The following ADH1A variants were observed in gnomAD, a reference collection of about 807,000 sequenced individuals.
ADH1A encodes the protein alcohol dehydrogenase 1A (class I), alpha polypeptide.
ADH1A carries 29 observed loss-of-function variants against 35.2 expected under a neutral mutation model. That is an observed-to-expected ratio of 0.82 (90% CI 0.61 to 1.12). The LOEUF is 1.12. ADH1A is among the 50% of genes most tolerant of loss of function. The pLI, the probability that ADH1A is intolerant of heterozygous loss-of-function variation, is 0.00. For synonymous variants in ADH1A, 147 were observed against 164.8 expected, an observed-to-expected ratio of 0.89 and a Z score of 0.83; for missense variants, 469 against 464.7, an observed-to-expected ratio of 1.01 and a Z score of -0.09.
Position 99,279,496 on chromosome 4 carries a change from C to G in ADH1A, c.1033G>C (p.Ala345Pro), listed in dbSNP as rs1382770299. Reference sequence around the variant, plus strand: ...AAAGGTAAAACATGGGTTATTAATGCATCCAATGAAAACTTCTTAGCCATA... The same window carrying G: ...AAAGGTAAAACATGGGTTATTAATGGATCCAATGAAAACTTCTTAGCCATA... ...DFMAKKFSLDALITHVLPFEK... is the reference protein window; with the variant it reads ...DFMAKKFSLDPLITHVLPFEK... Residue 345 changes from alanine to proline, a missense_variant, in exon 8 of 9, where the codon GCA becomes CCA. Physicochemically the swap from Ala to Pro is conservative, Grantham distance 27. Coordinates refer to ENST00000209668, the MANE Select transcript of ADH1A (RefSeq NM_000667.4). 2.5e-6 allele frequency: 4 copies of G among 1,611,972 alleles called. No homozygotes were observed. In the Admixed American group the frequency reaches 5.0e-5, roughly 20 times the overall value.
rs1389439920 is a variant in ADH1A, at chr4:99,276,462, A to G, written c.*162T>C. The G allele has an allele frequency of 5.7e-6, 4 of 699,860 alleles. No individual in the cohort carries two copies. The African/African-American group carries it at 7.4e-5, about 13-fold the overall frequency. The allele number at this position is 699,860 out of a possible 1,614,324, so 43.4% of individuals were successfully genotyped here. ...TTGGATTTTAAACATTTGCTTGAAA[A>G]ATAATTTTACATCAATTTCCATTTC... On this transcript the variant is annotated 3_prime_UTR_variant, in exon 9 of 9. Coordinates refer to ENST00000209668, the MANE Select transcript of ADH1A (RefSeq NM_000667.4).
In ADH1A at chr4:99,282,364, G is replaced by A. The variant is rs779102773; in HGVS notation, c.810C>T (p.Ile270=). The A allele has an allele frequency of 1.2e-5, 19 of 1,614,046 alleles. No individual in the cohort carries two copies. Among genetic ancestry groups the A allele is most frequent in the East Asian group, 6.7e-5 (3 of 44,892 alleles). The change falls in exon 6 of 9, where the codon ATC becomes ATT. Residue 270 remains isoleucine (I), a synonymous_variant. Transcript: ENST00000209668. ...DGGVDFSFEV[I]GRLDTMMASL... Reference sequence around the variant, plus strand: ...TACATACCATGGTGTCAAGCCGACCGATGACTTCAAATGAAAAATCCACAC... The same window carrying A: ...TACATACCATGGTGTCAAGCCGACCAATGACTTCAAATGAAAAATCCACAC...
chr4:99,286,748 C>T, intron 3 of ADH1A, 102 bp downstream of exon 3: 2 of 1,546,098 alleles, frequency 1.3e-6, no homozygotes, highest in Non-Finnish European at 1.7e-6. Flanking sequence ...GCGCGGTGAC[C>T]TTGGTCAAGC....
chr4:99,288,480 A>C (rs1386277387), intron 1 of ADH1A, among the ~76,000 whole-genome samples: 2 of 152,198 alleles, frequency 1.3e-5, no homozygotes, highest in Non-Finnish European at 2.9e-5. Context: ...AAAGATGTAC[A>C]CATAATTTCC....
intron 8 of ADH1A, among the ~76,000 whole-genome samples, chr4:99,278,713 C>G (rs1242733576): frequency 6.6e-6 from 1 of 152,096 alleles, no homozygotes; most frequent in African/African-American, 2.4e-5. Context: ...TTAGATATAA[C>G]TGCCTGTTTC....
chr4:99,282,266 C>G (rs779239106), intron 6 of ADH1A, 80 bp downstream of exon 6: 1 of 1,613,136 alleles, frequency 6.2e-7, no homozygotes, highest in Non-Finnish European at 8.5e-7. Flanking sequence ...ATCCTTTATA[C>G]AGAAAACATA....
At chr4:99,276,807 ATCT>A (rs1732879663) in intron 8 of ADH1A, among the ~76,000 whole-genome samples, 159 bp from the exon 9 acceptor site, 1 of 152,118 alleles carries the variant, frequency 6.6e-6, no homozygotes, top group African/African-American at 2.4e-5. Flanking sequence ...AGGAAAGCTC[ATCT>A]TTTTTGGTTT....
intron 8 of ADH1A, among the ~76,000 whole-genome samples, chr4:99,279,210 T>G (rs115274079): frequency 8.5e-4 from 129 of 152,160 alleles, no homozygotes; most frequent in African/African-American, 2.9e-3. Flanking sequence ...ATCAACATAA[T>G]TTGGCTTCAG....
intron 8 of ADH1A, 22 bp from the exon 9 acceptor site, chr4:99,276,670 A>T: frequency 6.2e-7 from 1 of 1,606,204 alleles, no homozygotes; most frequent in Non-Finnish European, 8.5e-7. Context: ...AAGAAGAGAC[A>T]TTGTATTAGC....
rs989117184 is a variant in ADH1A at position 99,279,292 on chromosome 4, A to G, written c.1103+134T>C. The G allele has an allele frequency of 5.0e-6, 6 of 1,188,670 alleles. No individual in the cohort carries two copies. The African/African-American group carries it at 9.5e-5, about 19-fold the overall frequency. 73.6% of individuals were successfully genotyped at this position (1,188,670 alleles called of 1,614,324 possible). Reference sequence around the variant, plus strand: ...TTTAAACTTCTCTTACAAGCTCTCCATGTAAAGACTGAACTGGTAATGGAA... The same window carrying G: ...TTTAAACTTCTCTTACAAGCTCTCCGTGTAAAGACTGAACTGGTAATGGAA... On this transcript the variant is annotated intron_variant, in intron 8 of 8. Transcript: ENST00000209668.
At chr4:99,283,063 G>A (rs1465037390) in intron 5 of ADH1A, among the ~76,000 whole-genome samples, 1 of 152,146 alleles carries the variant, frequency 6.6e-6, no homozygotes, top group Non-Finnish European at 1.5e-5. Context: ...AGTGGAAAAG[G>A]CTACTCCAGG....
chr4:99,282,579 A>G lies in ADH1A; in HGVS notation c.595T>C (p.Phe199Leu). The G allele has an allele frequency of 6.2e-7, 1 of 1,614,226 alleles. No individual in the cohort carries two copies. The highest frequency in any genetic ancestry group is 8.5e-7 in the Non-Finnish European group (1 of 1,180,034). ...GATAGGCCGACCCCTCCCAGGCCAA[A>G]CACAGCACAGGTAGAGCCTGGGGTG... ...KVTPGSTCAV[F>L]GLGGVGLSAI... is the part of the protein sequence containing the mutation. Residue 199 changes from phenylalanine to leucine, a missense_variant, in exon 6 of 9, where the codon TTT (phenylalanine) becomes CTT (leucine). By Grantham distance (22) the Phe-to-Leu change is conservative. Transcript: ENST00000209668.
chr4:99,287,727 T>G, intron 1 of ADH1A, 62 bp from the exon 2 acceptor site: 2 of 1,573,984 alleles, frequency 1.3e-6, no homozygotes. Flanking sequence ...AGATATTGTG[T>G]CATTTCATCT....
At chr4:99,286,299 C>G (rs1187960938) in intron 3 of ADH1A, among the ~76,000 whole-genome samples, 2 of 152,082 alleles carry the variant, frequency 1.3e-5, no homozygotes, top group South Asian at 4.1e-4. Context: ...TTTCCTTTCA[C>G]CTAGTCTGCT....
At chr4:99,280,059 C>A in intron 7 of ADH1A, 85 bp downstream of exon 7, 1 of 1,566,394 alleles carries the variant, frequency 6.4e-7, no homozygotes, top group Non-Finnish European at 8.8e-7. Flanking sequence ...TTTTGATCTG[C>A]TTTTCAAAAC....
intron 1 of ADH1A, among the ~76,000 whole-genome samples, chr4:99,290,475 C>A (rs1026866184): frequency 6.6e-6 from 1 of 152,168 alleles, no homozygotes. Context: ...TCTCATAAAA[C>A]TTTCATCAGA....
At chr4:99,285,747 A>C (rs948539971) in intron 3 of ADH1A, among the ~76,000 whole-genome samples, 1 of 152,064 alleles carries the variant, frequency 6.6e-6, no homozygotes, top group East Asian at 1.9e-4. Flanking sequence ...TCTAGTGCCT[A>C]AAGTGATTTT....
intron 2 of ADH1A, 57 bp downstream of exon 2, chr4:99,287,507 T>G: frequency 6.4e-7 from 1 of 1,561,968 alleles, no homozygotes; most frequent in Non-Finnish European, 8.7e-7. Flanking sequence ...GTTGTTTCCG[T>G]TTTTTAACTT....
intron 5 of ADH1A, among the ~76,000 whole-genome samples, chr4:99,283,416 C>T (rs139131950): frequency 7.9e-5 from 12 of 152,240 alleles, no homozygotes; most frequent in Non-Finnish European, 1.3e-4. Context: ...CTTCATTTTG[C>T]GTAACATGCT....
Sources: gnomAD v4.1 joint callset for allele counts (sites outside exome capture counted in the v4.1 genomes callset) on GRCh38, gnomAD v4.1.1 for gene constraint, MANE v1.5 for transcripts, NCBI Gene and HGNC (gene_info 2026-07-23, HGNC 2026-07-21) for gene names.